TTC1: variants seen among roughly 807,000 people sequenced by gnomAD.
The protein encoded by TTC1 is tetratricopeptide repeat protein 1.
A neutral mutation model predicts 37.6 loss-of-function variants in TTC1; 31 were observed. The ratio of observed to expected loss-of-function variants is 0.82; its 90% confidence interval spans 0.62 to 1.11. The LOEUF (loss-of-function observed/expected upper bound fraction) is 1.11. TTC1 is among the 50% of genes most tolerant of loss of function. TTC1 has a pLI of 0.00. For synonymous variants in TTC1, 127 were observed against 122.4 expected, an observed-to-expected ratio of 1.04 and a Z score of -0.25; for missense variants, 351 against 339.0, an observed-to-expected ratio of 1.04 and a Z score of -0.28.
chr5:160,047,693 C>T (rs1156917263), intron 5 of TTC1, among the ~76,000 whole-genome samples: 1 of 152,114 alleles, frequency 6.6e-6, no homozygotes, highest in South Asian at 2.1e-4. Context: ...CTCCATGGCC[C>T]TACATTTCAG....
intron 4 of TTC1, among the ~76,000 whole-genome samples, chr5:160,042,081 C>T (rs925924481): frequency 3.9e-5 from 6 of 152,134 alleles, no homozygotes; most frequent in African/African-American, 1.4e-4. Flanking sequence ...AGGCACCCAC[C>T]ACCACACCCG....
In TTC1 at chr5:160,065,041, T is replaced by C. The variant is rs758934437; in HGVS notation, c.855T>C (p.Val285=). The C allele has an allele frequency of 1.9e-6, 3 of 1,612,050 alleles. No individual in the cohort carries two copies. In the East Asian group the frequency reaches 6.7e-5, roughly 36 times the overall value. The change falls in exon 8 of 8, where the codon GTT becomes GTC. Residue 285 remains valine, a synonymous_variant. Transcript: ENST00000231238. ...SSTGSYSINF[V]QNPNNNR ...CCGGCTCGTACTCCATCAATTTCGTTCAAAATCCAAATAATAACAGATAAC... is the reference window on the plus strand; with the variant it reads ...CCGGCTCGTACTCCATCAATTTCGTCCAAAATCCAAATAATAACAGATAAC...
At chr5:160,042,001 C>CT (rs1341927376) in intron 4 of TTC1, among the ~76,000 whole-genome samples, 1 of 152,136 alleles carries the variant, frequency 6.6e-6, no homozygotes, top group Non-Finnish European at 1.5e-5. Flanking sequence ...GTGAACTCAA[C>CT]TTACTGCAAT....
At chr5:160,063,237 C>T (rs1285338660) in intron 7 of TTC1, among the ~76,000 whole-genome samples, 3 of 152,084 alleles carry the variant, frequency 2.0e-5, no homozygotes, top group Non-Finnish European at 4.4e-5. Flanking sequence ...AAAGGCCATG[C>T]GTTTTTTTTG....
intron 2 of TTC1, among the ~76,000 whole-genome samples, chr5:160,017,116 T>C (rs1410256443): frequency 6.6e-6 from 1 of 152,212 alleles, no homozygotes; most frequent in African/African-American, 2.4e-5. Flanking sequence ...GTACTAGGTA[T>C]GTGAAGCAAA....
chr5:160,061,469 A>G (rs1431610954), intron 7 of TTC1, among the ~76,000 whole-genome samples: 2 of 152,182 alleles, frequency 1.3e-5, no homozygotes, highest in Non-Finnish European at 2.9e-5. Context: ...GTATCTTTGC[A>G]TCTCTACCAC....
chr5:160,034,612 T>C (rs1423984580), intron 2 of TTC1, among the ~76,000 whole-genome samples: 1 of 152,218 alleles, frequency 6.6e-6, no homozygotes, highest in Non-Finnish European at 1.5e-5. Context: ...TGAGCCCTTA[T>C]TTGCTAGTCA....
intron 5 of TTC1, among the ~76,000 whole-genome samples, chr5:160,045,525 C>CA: frequency 3.2e-5 from 4 of 124,610 alleles, no homozygotes; most frequent in African/African-American, 1.4e-4. Flanking sequence ...TACACACTCT[C>CA]TCTCTCTCTC....
intron 7 of TTC1, among the ~76,000 whole-genome samples, chr5:160,060,566 C>A (rs1484295953): frequency 6.6e-6 from 1 of 152,124 alleles, no homozygotes; most frequent in African/African-American, 2.4e-5. Context: ...TGATTACTGT[C>A]CAGATAGGGA....
chr5:160,041,822 G>A (rs958857781), intron 4 of TTC1, among the ~76,000 whole-genome samples: 1 of 152,158 alleles, frequency 6.6e-6, no homozygotes, highest in Non-Finnish European at 1.5e-5. Context: ...GTGCATGACT[G>A]TATACAATTC....
chr5:160,029,473 C>CG (rs967016627), intron 2 of TTC1, among the ~76,000 whole-genome samples: 3 of 133,688 alleles, frequency 2.2e-5, no homozygotes, highest in East Asian at 2.2e-4. Flanking sequence ...GAGACCCCCC[C>CG]ATCTCTACAA....
chr5:160,037,569 A>T (rs1383324837), intron 4 of TTC1, among the ~76,000 whole-genome samples: 1 of 152,210 alleles, frequency 6.6e-6, no homozygotes, highest in Admixed American at 6.5e-5. Context: ...TACAAAAATT[A>T]GCCAGGCATG....
chr5:160,063,051 G>A (rs1753476954), intron 7 of TTC1, among the ~76,000 whole-genome samples: 1 of 152,210 alleles, frequency 6.6e-6, no homozygotes, highest in African/African-American at 2.4e-5. Context: ...CCAGGTTTAG[G>A]TTTGGGAGGC....
intron 2 of TTC1, among the ~76,000 whole-genome samples, chr5:160,020,376 A>G (rs954279057): frequency 1.3e-5 from 2 of 152,180 alleles, no homozygotes; most frequent in Admixed American, 1.3e-4. Context: ...TGGCCTCCCA[A>G]AGTGCTGGGA....
At chr5:160,050,454 C>A (rs895820697) in intron 6 of TTC1, among the ~76,000 whole-genome samples, 10 of 151,808 alleles carry the variant, frequency 6.6e-5, no homozygotes, top group African/African-American at 2.4e-4. Context: ...CTTAAAAAAA[C>A]AAAAAATACA....
chr5:160,048,977 T>A (rs1036540203), intron 5 of TTC1, among the ~76,000 whole-genome samples: 8 of 151,918 alleles, frequency 5.3e-5, no homozygotes, highest in Non-Finnish European at 1.2e-4. Context: ...TCTCACTCTT[T>A]CACTGCGCAC....
intron 2 of TTC1, among the ~76,000 whole-genome samples, chr5:160,011,849 G>T (rs779564083): frequency 2.0e-5 from 3 of 151,694 alleles, no homozygotes; most frequent in Non-Finnish European, 4.4e-5. Context: ...AACAGGTTGT[G>T]ATACATTGGT....
chr5:160,033,745 A>G (rs1325467683), intron 2 of TTC1, among the ~76,000 whole-genome samples: 2 of 152,222 alleles, frequency 1.3e-5, no homozygotes, highest in Non-Finnish European at 2.9e-5. Flanking sequence ...AACCGTCCCC[A>G]TGATCCAGGG....
intron 1 of TTC1, among the ~76,000 whole-genome samples, chr5:160,009,977 A>G (rs925585317): frequency 2.0e-5 from 3 of 152,138 alleles, no homozygotes; most frequent in Non-Finnish European, 4.4e-5. Flanking sequence ...CTGAATGGAG[A>G]TTAGGGCTGC....
Sources: allele counts gnomAD v4.1 joint callset (sites outside exome capture counted in the v4.1 genomes callset), GRCh38; gene constraint gnomAD v4.1.1; transcripts MANE v1.5; gene names NCBI Gene and HGNC (gene_info 2026-07-23, HGNC 2026-07-21).